The following GSTM3 variants were observed in gnomAD, a reference collection of about 807,000 sequenced individuals.
The protein encoded by GSTM3 is GST class-mu 3.
GSTM3 carries 34 observed loss-of-function variants against 36.1 expected under a neutral mutation model. That is an observed-to-expected ratio of 0.94 (90% CI 0.72 to 1.25). The LOEUF (loss-of-function observed/expected upper bound fraction) is 1.25. GSTM3 is among the 50% of genes most tolerant of loss of function. GSTM3 has a pLI of 0.00. For missense variants in GSTM3, 266 were observed against 281.6 expected, an observed-to-expected ratio of 0.94 and a Z score of 0.40; for synonymous variants, 102 against 99.5, an observed-to-expected ratio of 1.03 and a Z score of -0.15.
At chr1:109,740,897 C>G (rs894855280) in intron 1 of GSTM3, 56 bp downstream of exon 1, 1 of 155,654 alleles carries the variant, frequency 6.4e-6, no homozygotes, top group African/African-American at 2.4e-5. Context: ...CTTGCTGTTC[C>G]TTCTACACAC....
In GSTM3 at chr1:109,737,152, AG is replaced by A; in HGVS notation, c.596del (p.Ala199ValfsTer56). 6.2e-7 allele frequency: 1 copy of A among 1,613,434 alleles called. No homozygotes were observed. The highest frequency in any genetic ancestry group is 8.5e-7 in the Non-Finnish European group (1 of 1,179,324). On this transcript the variant is annotated frameshift_variant, in exon 9 of 9. Coordinates refer to ENST00000361066, the MANE Select transcript of GSTM3 (RefSeq NM_000849.5). LOFTEE classifies it high-confidence loss of function. The stretch of plus-strand genomic sequence containing the variant: ...AGAACTGATCAGACTGTAAGTAGGC[AG>A]CGATTTTCTCCAAAGCCTGAAAGGA... ...MCRFEALEKI[A>X]AYLQSDQFCK... is the part of the protein sequence containing the mutation.
intron 2 of GSTM3, 97 bp downstream of exon 2, chr1:109,740,143 G>A: frequency 8.6e-7 from 1 of 1,157,062 alleles, no homozygotes; most frequent in South Asian, 1.3e-5. Flanking sequence ...AGGCTCCCGC[G>A]TAGAGCTGCT....
intron 8 of GSTM3, 43 bp from the exon 9 acceptor site, chr1:109,737,212 G>C: frequency 7.5e-7 from 1 of 1,325,856 alleles, no homozygotes; most frequent in Non-Finnish European, 1.1e-6. Context: ...CCCCAACCCA[G>C]TCCAACAGAT....
At position 109,735,633 on chromosome 1, in the gene GSTM3, G is replaced by GAGTTTTTTTTTTTTTTTTTTTT. The variant is rs747271780; in HGVS notation, c.*1437_*1438insAAAAAAAAAAAAAAAAAAAACT. The GAGTTTTTTTTTTTTTTTTTTTT allele has an allele frequency of 3.3e-5, 2 of 60,720 alleles. 1 individual carries two copies. 3.8% of individuals were successfully genotyped at this position (60,720 alleles called of 1,614,324 possible). On this transcript the variant is annotated 3_prime_UTR_variant, in exon 9 of 9. Coordinates refer to ENST00000361066, the MANE Select transcript of GSTM3 (RefSeq NM_000849.5). ...CATCTTAGTATATGTCTCTTTGAAT[G>GAGTTTTTTTTTTTTTTTTTTTT]TTTTTTTTTTTTTTTTTTTTTTTTT...
At chr1:109,740,851 C>T (rs1163437404) in intron 1 of GSTM3, 102 bp downstream of exon 1, 3 of 158,558 alleles carry the variant, frequency 1.9e-5, no homozygotes, top group Admixed American at 6.0e-5. Flanking sequence ...TCCCTCAGCC[C>T]GTCACAACTT....
Position 109,740,369 on chromosome 1 carries a change from C to T in GSTM3, c.-82G>A, listed in dbSNP as rs372073074. 3 of 1,285,976 alleles carry T rather than the reference C, an allele frequency of 2.3e-6. No individual in the cohort carries two copies. The highest frequency in any genetic ancestry group is 2.2e-6 in the Non-Finnish European group (2 of 910,722). 79.7% of individuals were successfully genotyped at this position (1,285,976 alleles called of 1,614,324 possible). ...ATACCCGACATAAGGGGGCGGGGCC[C>T]ACGCGCGGGCGCCCTGACTCCGCCT... On this transcript the variant is annotated 5_prime_UTR_variant, in exon 2 of 9. Transcript: ENST00000361066.
At chr1:109,737,258 G>A (rs541685561) in intron 8 of GSTM3, 89 bp from the exon 9 acceptor site, 13 of 945,242 alleles carry the variant, frequency 1.4e-5, no homozygotes, top group African/African-American at 6.4e-5. Flanking sequence ...TGTTGCCTGC[G>A]TCTACCTCCT....
Position 109,738,078 on chromosome 1 carries a change from T to G in GSTM3, c.372+13A>C, listed in dbSNP as rs763794857. On this transcript the variant is annotated intron_variant, in intron 6 of 8. Coordinates refer to ENST00000361066, the MANE Select transcript of GSTM3 (RefSeq NM_000849.5). ...GATACTCCATTCAGCAGATGTGTGC[T>G]AAGGAAACTCACGTGGTCAGAGCTG... The G allele has an allele frequency of 1.9e-6, 3 of 1,566,502 alleles. No individual in the cohort carries two copies. The African/African-American group carries it at 4.1e-5, about 21-fold the overall frequency.
rs1649153376 is a variant in GSTM3, at chr1:109,734,663, T to C, written c.*2408A>G. 6.6e-6 allele frequency: 1 copy of C among 152,274 alleles called. No homozygotes were observed. The highest frequency in any genetic ancestry group is 2.4e-5 in the African/African-American group (1 of 41,470). 9.4% of individuals were successfully genotyped at this position (152,274 alleles called of 1,614,324 possible). A position where few individuals can be genotyped will look rare whatever the true frequency, so the allele number is the denominator to read the frequency against. On this transcript the variant is annotated 3_prime_UTR_variant, in exon 9 of 9. Coordinates refer to ENST00000361066, the MANE Select transcript of GSTM3 (RefSeq NM_000849.5). ...CAGACTGAAAAACTTCTGAGCTTTA[T>C]ACCTCTTCTGGCCAAAGGCTCCCCC...
chr1:109,737,422 G>T, intron 8 of GSTM3, 35 bp downstream of exon 8: 1 of 1,292,936 alleles, frequency 7.7e-7, no homozygotes, highest in Non-Finnish European at 1.1e-6. Context: ...GAGCCTGTGA[G>T]TGTTTTTATA....
chr1:109,737,288 G>A, intron 8 of GSTM3, 119 bp from the exon 9 acceptor site: 2 of 836,108 alleles, frequency 2.4e-6, no homozygotes, highest in Non-Finnish European at 4.1e-6. Flanking sequence ...TGTAGACAGT[G>A]CCTCCAAGGT....
rs149969876 is a variant in GSTM3, at chr1:109,737,457, C to T, written c.579G>A (p.Glu193=). The change falls in exon 8 of 9, where the codon GAG becomes GAA. Residue 193 remains glutamate, a splice_region_variant and synonymous_variant. Coordinates refer to ENST00000361066, the MANE Select transcript of GSTM3 (RefSeq NM_000849.5). ...PNLKAFMCRF[E]ALEKIAAYLQ... ...AAGAGAAAGGTGCAGGAAACGTCACCTCAAAACGGCACATGAAAGCCTTCA... is the reference window on the plus strand; with the variant it reads ...AAGAGAAAGGTGCAGGAAACGTCACTTCAAAACGGCACATGAAAGCCTTCA... 1.3e-6 allele frequency: 2 copies of T among 1,589,162 alleles called. No homozygotes were observed. The highest frequency in any genetic ancestry group is 1.3e-5 in the African/African-American group (1 of 74,424).
At chr1:109,737,249 G>T in intron 8 of GSTM3, 80 bp from the exon 9 acceptor site, 1 of 1,012,408 alleles carries the variant, frequency 9.9e-7, no homozygotes, top group Non-Finnish European at 1.6e-6. Context: ...ACATTCACGT[G>T]TTGCCTGCGT....
rs1461040068 is a variant in GSTM3, at chr1:109,736,381, AAAAAGT to A, written c.*684_*689del. On this transcript the variant is annotated 3_prime_UTR_variant, in exon 9 of 9. Transcript: ENST00000361066. ...TTTCCTTTGTGATTGTTATTATTTT[AAAAAGT>A]AAAAGAATAAAGAATGGCTACTCCA... 1 of 152,154 alleles carries A rather than the reference AAAAAGT, an allele frequency of 6.6e-6. No individual in the cohort carries two copies. Among genetic ancestry groups the A allele is most frequent in the Non-Finnish European group, 1.5e-5 (1 of 68,032 alleles). 9.4% of individuals were successfully genotyped at this position (152,154 alleles called of 1,614,324 possible).
In GSTM3 at chr1:109,738,089, A is replaced by C. The variant is rs375628944; in HGVS notation, c.372+2T>G. On this transcript the variant is annotated splice_donor_variant, in intron 6 of 8. Transcript: ENST00000361066. LOFTEE classifies it high-confidence loss of function. ...CAGCAGATGTGTGCTAAGGAAACTC[A>C]CGTGGTCAGAGCTGTAACAGAGCCT... 4 of 1,598,238 alleles carry C rather than the reference A, an allele frequency of 2.5e-6. No homozygotes were observed. The African/African-American group carries it at 5.4e-5, about 21-fold the overall frequency.
intron 7 of GSTM3, 28 bp downstream of exon 7, chr1:109,737,628 G>A: frequency 1.3e-6 from 2 of 1,525,074 alleles, no homozygotes; most frequent in Non-Finnish European, 1.8e-6. Context: ...AGATAGAGAA[G>A]TATCCTCTTC....
At chr1:109,740,772 CAAGCTCCCCTCTCTGT>C (rs1649360922) in intron 1 of GSTM3, among the ~76,000 whole-genome samples, 165 bp downstream of exon 1, 1 of 152,178 alleles carries the variant, frequency 6.6e-6, no homozygotes, top group African/African-American at 2.4e-5. Context: ...CCCCACAGAC[CAAGCTCCCCTCTCTGT>C]CAGTCAAGGA....
At position 109,736,582 on chromosome 1, in the gene GSTM3, T is replaced by C. The variant is rs1649206469; in HGVS notation, c.*489A>G. On this transcript the variant is annotated 3_prime_UTR_variant, in exon 9 of 9. Coordinates refer to ENST00000361066, the MANE Select transcript of GSTM3 (RefSeq NM_000849.5). ...GTGAATAGTGTCAAGTGGGGCTCTA[T>C]TATTTTTAATGAGTAAGCAATTGTC... The C allele has an allele frequency of 1.3e-5, 2 of 152,428 alleles. No individual in the cohort carries two copies. The highest frequency in any genetic ancestry group is 2.4e-5 in the African/African-American group (1 of 41,450). 9.4% of individuals were successfully genotyped at this position (152,428 alleles called of 1,614,324 possible).
intron 6 of GSTM3, 70 bp downstream of exon 6, chr1:109,738,021 T>G (rs147511086): frequency 1.1e-6 from 1 of 947,978 alleles, no homozygotes; most frequent in Non-Finnish European, 1.7e-6. Context: ...GGAACAGAGA[T>G]AACCCTTGGG....
Sources: gnomAD v4.1 joint callset for allele counts (sites outside exome capture counted in the v4.1 genomes callset) on GRCh38, gnomAD v4.1.1 for gene constraint, MANE v1.5 for transcripts, NCBI Gene and HGNC (gene_info 2026-07-23, HGNC 2026-07-21) for gene names.